DCC: variants seen among roughly 807,000 people sequenced by gnomAD.
DCC encodes the protein DCC netrin 1 receptor.
A neutral mutation model predicts 172.5 loss-of-function variants in DCC; 58 were observed. The ratio of observed to expected loss-of-function variants is 0.34; its 90% confidence interval spans 0.27 to 0.42. DCC has a LOEUF of 0.42. Among genes scored for constraint, DCC ranks in the 10% least tolerant of loss-of-function variants. The probability of loss-of-function intolerance (pLI) is 1.00; values close to 1 mark genes in which losing one functional copy is unlikely to be tolerated. For synonymous variants in DCC, 709 were observed against 644.5 expected (o/e 1.10, Z -1.52); for missense variants, 1,740 against 1,791.0 (o/e 0.97, Z 0.51).
chr18:52,982,600 C>T (rs570882865), intron 5 of DCC, among the ~76,000 whole-genome samples: 12 of 152,136 alleles, frequency 7.9e-5, no homozygotes, highest in African/African-American at 2.9e-4. Flanking sequence ...ATCACCCCTG[C>T]CTCTACCTAC....
At chr18:53,384,066 T>C (rs73467289) in intron 15 of DCC, among the ~76,000 whole-genome samples, 6,809 of 152,228 alleles carry the variant, frequency 0.045, 498 homozygotes, top group African/African-American at 0.15. Context: ...AGTCTTAGTT[T>C]ATTAAATTTT....
At chr18:52,630,596 C>T (rs1339607597) in intron 1 of DCC, among the ~76,000 whole-genome samples, 1 of 151,834 alleles carries the variant, frequency 6.6e-6, no homozygotes, top group Admixed American at 6.6e-5. Context: ...GCTGCTTAGC[C>T]CAAACAAAGG....
chr18:53,495,523 G>A (rs991349438), intron 26 of DCC, among the ~76,000 whole-genome samples: 3 of 152,028 alleles, frequency 2.0e-5, no homozygotes, highest in South Asian at 4.1e-4. Flanking sequence ...TGGGTAACCC[G>A]ACCTTTCTCT....
At chr18:52,799,414 G>A (rs560119679) in intron 2 of DCC, among the ~76,000 whole-genome samples, 3 of 152,164 alleles carry the variant, frequency 2.0e-5, no homozygotes, top group Non-Finnish European at 2.9e-5. Context: ...GGGTATACAT[G>A]TAACAAGGAA....
chr18:53,408,166 A>G (rs1416381101), intron 19 of DCC, among the ~76,000 whole-genome samples: 1 of 151,968 alleles, frequency 6.6e-6, no homozygotes, highest in Non-Finnish European at 1.5e-5. Context: ...TACTGAGGTT[A>G]CCCTTGACCT....
At chr18:53,351,466 G>A (rs56731087) in intron 15 of DCC, among the ~76,000 whole-genome samples, 25,066 of 36,548 alleles carry the variant, frequency 0.69, 7,155 homozygotes, top group Middle Eastern at 0.79. Flanking sequence ...TACACAGTGT[G>A]TATATATATA....
chr18:52,711,120 C>T (rs1464970220), intron 1 of DCC, among the ~76,000 whole-genome samples: 1 of 152,128 alleles, frequency 6.6e-6, no homozygotes, highest in Non-Finnish European at 1.5e-5. Flanking sequence ...CTTTATATTC[C>T]TTTTCCATGA....
At chr18:52,632,937 G>C (rs1421047512) in intron 1 of DCC, among the ~76,000 whole-genome samples, 2 of 152,082 alleles carry the variant, frequency 1.3e-5, no homozygotes, top group Non-Finnish European at 2.9e-5. Context: ...GCAAACTGTG[G>C]AGTTTTCTTT....
In DCC at chr18:52,442,652, C is replaced by T. The variant is rs536208241; in HGVS notation, c.91+101774C>T. The stretch of plus-strand genomic sequence containing the variant: ...TGGACATCTCTGATATTTTGAAACA[C>T]ATTGATGTAACTCATTTTTCTAAAA... On this transcript the variant is annotated intron_variant, in intron 1 of 28. Transcript: ENST00000442544. 3.3e-5 allele frequency among the ~76,000 whole-genome samples: 5 copies of T among 152,288 alleles called. No homozygotes were observed. The East Asian group carries it at 7.7e-4, about 23-fold the overall frequency.
chr18:53,213,878 C>T (rs937425105), intron 11 of DCC, among the ~76,000 whole-genome samples: 14 of 130,312 alleles, frequency 1.1e-4, no homozygotes, highest in African/African-American at 4.5e-4. Flanking sequence ...AATACAAGTA[C>T]AATTTATACT....
At chr18:53,346,953 T>C (rs970108062) in intron 15 of DCC, among the ~76,000 whole-genome samples, 6 of 152,192 alleles carry the variant, frequency 3.9e-5, no homozygotes. Flanking sequence ...TAGATTCAGA[T>C]TGTGAGATCT....
At chr18:53,502,350 A>G (rs1420694095) in intron 27 of DCC, among the ~76,000 whole-genome samples, 2 of 152,086 alleles carry the variant, frequency 1.3e-5, no homozygotes, top group Non-Finnish European at 2.9e-5. Flanking sequence ...TCATTTCATA[A>G]TGTCTTACCT....
chr18:52,961,849 C>A (rs1344583581), intron 5 of DCC, among the ~76,000 whole-genome samples: 1 of 151,990 alleles, frequency 6.6e-6, no homozygotes, highest in Non-Finnish European at 1.5e-5. Context: ...GAAAAACAAG[C>A]AATGGGGAAA....
At chr18:53,356,190 G>T (rs990918102) in intron 15 of DCC, among the ~76,000 whole-genome samples, 3 of 152,002 alleles carry the variant, frequency 2.0e-5, no homozygotes, top group Admixed American at 6.6e-5. Context: ...AAAGTGCTAG[G>T]ATTTCCAGTG....
intron 27 of DCC, among the ~76,000 whole-genome samples, chr18:53,506,097 T>A (rs2046171507): frequency 6.6e-6 from 1 of 152,178 alleles, no homozygotes; most frequent in African/African-American, 2.4e-5. Flanking sequence ...AGGTCAATAT[T>A]TAGAGAGGTT....
Position 52,715,382 on chromosome 18 carries a change from C to A in DCC, c.92-36672C>A, listed in dbSNP as rs1406406006. On this transcript the variant is annotated intron_variant, in intron 1 of 28. Transcript: ENST00000442544. ...TGGCATGATATCAGCTCACTGCAAC[C>A]TCCACCTCCTGGGGTCAAGTGATTC... is the stretch of plus-strand genomic sequence containing the variant. Among the ~76,000 whole-genome samples, 95 of 136,300 alleles carry A rather than the reference C, an allele frequency of 7.0e-4. 1 individual carries two copies. Among genetic ancestry groups the A allele is most frequent in the Admixed American group, 6.8e-3 (95 of 13,952 alleles). 89.4% of individuals were successfully genotyped at this position (136,300 alleles called of 152,430 possible). A position where few individuals can be genotyped will look rare whatever the true frequency, so the allele number is the denominator to read the frequency against.
chr18:52,533,766 G>A (rs2032215382), intron 1 of DCC, among the ~76,000 whole-genome samples: 1 of 152,106 alleles, frequency 6.6e-6, no homozygotes, highest in Non-Finnish European at 1.5e-5. Context: ...GCCTAAGAAT[G>A]CAATTACTGG....
chr18:53,297,124 A>T (rs1256285227), intron 12 of DCC, among the ~76,000 whole-genome samples: 3 of 147,174 alleles, frequency 2.0e-5, no homozygotes, highest in Non-Finnish European at 4.4e-5. Flanking sequence ...TGGTGGGCTT[A>T]TCAACCTCTT....
intron 7 of DCC, among the ~76,000 whole-genome samples, chr18:53,091,666 C>A (rs752082289): frequency 4.6e-5 from 7 of 151,608 alleles, no homozygotes; most frequent in Non-Finnish European, 8.8e-5. Flanking sequence ...AGCACAAATT[C>A]TATTTATAAG....
Sources: gnomAD v4.1 joint callset for allele counts (sites outside exome capture counted in the v4.1 genomes callset) on GRCh38, gnomAD v4.1.1 for gene constraint, MANE v1.5 for transcripts, NCBI Gene and HGNC (gene_info 2026-07-23, HGNC 2026-07-21) for gene names.